The following NLGN1 variants were observed in gnomAD, a reference collection of about 807,000 sequenced individuals.
The protein encoded by NLGN1 is neuroligin-1.
Under a neutral mutation model 65.5 loss-of-function variants are expected in NLGN1, and 12 were observed. That is an observed-to-expected ratio of 0.18 (90% CI 0.12 to 0.30). The LOEUF is 0.30. Ranked by LOEUF, NLGN1 falls within the 10% of genes least tolerant of loss-of-function variation. The pLI, the probability that NLGN1 is intolerant of heterozygous loss-of-function variation, is 1.00. For synonymous variants in NLGN1, 350 were observed against 359.5 expected (o/e 0.97, Z 0.30); for missense variants, 750 against 1,007.1 (o/e 0.74, Z 3.46).
At chr3:173,645,265 C>G (rs1053464000) in intron 3 of NLGN1, among the ~76,000 whole-genome samples, 1 of 152,230 alleles carries the variant, frequency 6.6e-6, no homozygotes, top group Non-Finnish European at 1.5e-5. Flanking sequence ...AGCTGGGAGA[C>G]TTTCCCTTGT....
At chr3:173,957,797 C>A (rs556846236) in intron 4 of NLGN1, among the ~76,000 whole-genome samples, 12 of 152,326 alleles carry the variant, frequency 7.9e-5, no homozygotes, top group African/African-American at 2.9e-4. Flanking sequence ...GCCAGTGACG[C>A]CTTTGCCTCG....
chr3:174,215,543 GTATT>G lies in NLGN1; in HGVS notation c.647-59766_647-59763del, dbSNP rs573337168. On this transcript the variant is annotated intron_variant, in intron 4 of 6. Transcript: ENST00000457714. ...CTTAACTAATCCAGCAGGAGGGAAA[GTATT>G]TATTTTGTACTGAGAAAACTTTGTT... Among the ~76,000 whole-genome samples, 1,115 of 152,288 alleles carry G rather than the reference GTATT, an allele frequency of 7.3e-3. 7 individuals carry two copies. The highest frequency in any genetic ancestry group is 0.011 in the South Asian group (54 of 4,830).
In NLGN1 at chr3:174,280,392, A is replaced by G. The variant is rs1045702473; in HGVS notation, c.1650-89A>G. 3.5e-6 allele frequency: 3 copies of G among 866,836 alleles called. No homozygotes were observed. The highest frequency in any genetic ancestry group is 5.3e-6 in the Non-Finnish European group (3 of 564,854). The allele number at this position is 866,836 out of a possible 1,614,324, so 53.7% of individuals were successfully genotyped here. On this transcript the variant is annotated intron_variant, in intron 6 of 6. Transcript: ENST00000457714. This position sits in a 1 kb window ranked among gnomAD's most constrained non-coding sequence, Gnocchi z 4.9. ...ACACAATCTAAAGCATTGCTGAGTC[A>G]TCTATTTAATTATTAGATGTTAAAG... is the stretch of plus-strand genomic sequence containing the variant.
At chr3:173,756,292 ACAT>A (rs1777109850) in intron 3 of NLGN1, among the ~76,000 whole-genome samples, 1 of 152,010 alleles carries the variant, frequency 6.6e-6, no homozygotes. Context: ...TTAATAGTAA[ACAT>A]CAATATAAAT....
At chr3:174,113,769 A>G (rs535649999) in intron 4 of NLGN1, among the ~76,000 whole-genome samples, 1 of 152,312 alleles carries the variant, frequency 6.6e-6, no homozygotes, top group African/African-American at 2.4e-5. Context: ...TTAGAAAATT[A>G]ATAACACTTT....
Position 174,248,669 on chromosome 3 carries a change from G to A in NLGN1, c.647-26646G>A, listed in dbSNP as rs77908261. ...CCAGCTACTCAGGAGGCTGAGACAC[G>A]AGAATCGCTTGAACTTAGGAGGCAG... On this transcript the variant is annotated intron_variant, in intron 4 of 6. Coordinates refer to ENST00000457714, the Ensembl canonical transcript of NLGN1. Among the ~76,000 whole-genome samples, 207 of 152,300 alleles carry A rather than the reference G, an allele frequency of 1.4e-3. 1 individual carries two copies. In the East Asian group the frequency reaches 0.03, roughly 22 times the overall value.
intron 3 of NLGN1, among the ~76,000 whole-genome samples, chr3:173,698,086 A>C (rs2149859395): frequency 6.6e-6 from 1 of 152,286 alleles, no homozygotes; most frequent in East Asian, 1.9e-4. Context: ...AGATAGCTTA[A>C]AAACTTTTTC....
At chr3:173,707,797 C>T (rs371722644) in intron 3 of NLGN1, among the ~76,000 whole-genome samples, 2 of 152,192 alleles carry the variant, frequency 1.3e-5, no homozygotes, top group African/African-American at 4.8e-5. Flanking sequence ...TATAGCTTGC[C>T]TGCTGCCAAT....
intron 3 of NLGN1, among the ~76,000 whole-genome samples, chr3:173,668,837 T>C (rs193203911): frequency 2.1e-4 from 32 of 152,196 alleles, no homozygotes; most frequent in Admixed American, 2.6e-4. Context: ...TTGGTCAGGC[T>C]GGTCTTGAAC....
intron 3 of NLGN1, among the ~76,000 whole-genome samples, chr3:173,761,226 A>G (rs1777924703): frequency 6.6e-6 from 1 of 152,078 alleles, no homozygotes; most frequent in Non-Finnish European, 1.5e-5. Flanking sequence ...ACTGAGATGC[A>G]GTTCTTGTGT....
intron 4 of NLGN1, among the ~76,000 whole-genome samples, chr3:174,144,789 G>A (rs1173747188): frequency 6.6e-6 from 1 of 152,190 alleles, no homozygotes; most frequent in Non-Finnish European, 1.5e-5. Context: ...GTTCCTTGTA[G>A]ATTCTGGATA....
intron 4 of NLGN1, among the ~76,000 whole-genome samples, chr3:174,133,463 G>A (rs375237513): frequency 1.1e-4 from 17 of 152,120 alleles, no homozygotes; most frequent in African/African-American, 2.7e-4. Context: ...ATTAATTAAC[G>A]CCTGGGTTAC....
intron 2 of NLGN1, among the ~76,000 whole-genome samples, chr3:173,547,832 C>G (rs1011318708): frequency 6.6e-6 from 1 of 151,992 alleles, no homozygotes; most frequent in Non-Finnish European, 1.5e-5. Flanking sequence ...TCTGGGCCAG[C>G]AGGAAGGAGT....
At chr3:173,797,088 G>T (rs982574160) in intron 3 of NLGN1, among the ~76,000 whole-genome samples, 3 of 152,092 alleles carry the variant, frequency 2.0e-5, no homozygotes, top group Non-Finnish European at 4.4e-5. Flanking sequence ...AGGGGAAGAG[G>T]GAATCTTGAG....
At chr3:173,552,188 G>C (rs982063822) in intron 2 of NLGN1, among the ~76,000 whole-genome samples, 1 of 152,116 alleles carries the variant, frequency 6.6e-6, no homozygotes, top group African/African-American at 2.4e-5. Context: ...TGAAAATGTG[G>C]AGAAATCTTT....
intron 4 of NLGN1, among the ~76,000 whole-genome samples, chr3:173,930,497 G>A (rs1303158422): frequency 6.6e-6 from 1 of 151,980 alleles, no homozygotes; most frequent in Non-Finnish European, 1.5e-5. Flanking sequence ...CATTAAACAG[G>A]GTTTCATTGA....
chr3:174,055,043 C>T (rs1580030634), intron 4 of NLGN1, among the ~76,000 whole-genome samples: 1 of 151,714 alleles, frequency 6.6e-6, no homozygotes. Flanking sequence ...AAGACTGATA[C>T]AAAACTCTAT....
chr3:174,275,777 C>T (rs1750434242), intron 5 of NLGN1, among the ~76,000 whole-genome samples: 1 of 151,878 alleles, frequency 6.6e-6, no homozygotes, highest in Non-Finnish European at 1.5e-5. Flanking sequence ...TACAGTTACT[C>T]TTCTTTCCTT....
chr3:174,152,799 A>G (rs1344373995), intron 4 of NLGN1, among the ~76,000 whole-genome samples: 1 of 152,104 alleles, frequency 6.6e-6, no homozygotes, highest in Admixed American at 6.6e-5. Flanking sequence ...TTTAATCTCC[A>G]ACTAAGAAAA....
Sources: gnomAD v4.1 joint callset for allele counts (sites outside exome capture counted in the v4.1 genomes callset) on GRCh38, gnomAD v4.1.1 for gene constraint, Gnocchi (gnomAD v3.1) non-coding constraint, MANE v1.5 for transcripts, NCBI Gene and HGNC (gene_info 2026-07-23, HGNC 2026-07-21) for gene names.